The following SGMS2 variants were observed in gnomAD, a reference collection of about 807,000 sequenced individuals.
SGMS2 encodes the protein phosphatidylcholine:ceramide cholinephosphotransferase 2.
In SGMS2, 21 loss-of-function variants were observed where a neutral mutation model predicts 43.8. That is an observed-to-expected ratio of 0.48 (90% CI 0.34 to 0.69). The LOEUF is 0.69. SGMS2 is among the 30% of genes least tolerant of loss of function. The probability of loss-of-function intolerance (pLI) is 0.01; values close to 1 mark genes in which losing one functional copy is unlikely to be tolerated. For synonymous variants in SGMS2, 167 were observed against 160.6 expected (o/e 1.04, Z -0.30); for missense variants, 384 against 443.2 (o/e 0.87, Z 1.20).
At position 107,873,023 on chromosome 4, in the gene SGMS2, A is replaced by C. The variant is rs561560316; in HGVS notation, c.-245+14470A>C. ...CATATATTTACAAAGAGATTCTCAA[A>C]AGAATGGTACCAATTTATGATTCTA... is the stretch of plus-strand genomic sequence containing the variant. On this transcript the variant is annotated intron_variant, in intron 2 of 6. Coordinates refer to ENST00000690982, the MANE Select transcript of SGMS2 (RefSeq NM_001375905.1). Among the ~76,000 whole-genome samples, 9 of 152,316 alleles carry C rather than the reference A, an allele frequency of 5.9e-5. No individual in the cohort carries two copies. The South Asian group carries it at 1.9e-3, about 32-fold the overall frequency.
chr4:107,862,643 TAAAGAG>T (rs1727811423), intron 2 of SGMS2, among the ~76,000 whole-genome samples: 1 of 152,176 alleles, frequency 6.6e-6, no homozygotes, highest in South Asian at 2.1e-4. Context: ...GCTCCTGACT[TAAAGAG>T]AATGACTGAA....
chr4:107,857,533 T>G (rs1358471097), intron 1 of SGMS2, among the ~76,000 whole-genome samples: 4 of 135,390 alleles, frequency 3.0e-5, no homozygotes, highest in Admixed American at 1.4e-4. Flanking sequence ...AGTTAAAAGA[T>G]ATATATATAT....
chr4:107,853,126 A>G (rs1366524496), intron 1 of SGMS2, among the ~76,000 whole-genome samples: 1 of 152,124 alleles, frequency 6.6e-6, no homozygotes, highest in East Asian at 1.9e-4. Context: ...AATCATTTGG[A>G]TATAACAACT....
intron 1 of SGMS2, among the ~76,000 whole-genome samples, chr4:107,836,933 A>G (rs529776663): frequency 1.3e-5 from 2 of 152,214 alleles, no homozygotes; most frequent in South Asian, 2.1e-4. Context: ...GAAAGATTTC[A>G]TAGCAGAAAA....
At chr4:107,882,886 A>C (rs546270058) in intron 2 of SGMS2, among the ~76,000 whole-genome samples, 73 of 152,282 alleles carry the variant, frequency 4.8e-4, no homozygotes, top group Non-Finnish European at 9.6e-4. Context: ...ATAAACATCT[A>C]TTATTCATTA....
intron 3 of SGMS2, among the ~76,000 whole-genome samples, chr4:107,897,655 A>C (rs1456436565): frequency 6.6e-6 from 1 of 152,194 alleles, no homozygotes; most frequent in Non-Finnish European, 1.5e-5. Context: ...CTACCACCTT[A>C]GATTTTCAAC....
Position 107,895,790 on chromosome 4 carries a change from G to T in SGMS2, c.237G>T (p.Thr79=). The T allele has an allele frequency of 6.2e-7, 1 of 1,613,908 alleles. No homozygotes were observed. Among genetic ancestry groups the T allele is most frequent in the Non-Finnish European group, 8.5e-7 (1 of 1,179,922 alleles). Residue 79 remains threonine (T), a synonymous_variant, in exon 3 of 7, where the codon ACG becomes ACT. Coordinates refer to ENST00000690982, the MANE Select transcript of SGMS2 (RefSeq NM_001375905.1). ...AATTTCCACTAGAGTGGTGGAAAAC[G>T]GGCATTGCCTTCATATATGCAGTTT... ...RNKFPLEWWK[T]GIAFIYAVFN...
At chr4:107,827,344 T>C (rs189451407) in intron 1 of SGMS2, among the ~76,000 whole-genome samples, 37 of 152,192 alleles carry the variant, frequency 2.4e-4, no homozygotes, top group African/African-American at 8.4e-4. Context: ...ACGAAGGAGA[T>C]AGTTGCTACC....
chr4:107,860,251 T>C (rs1727650200), intron 2 of SGMS2, among the ~76,000 whole-genome samples: 1 of 152,176 alleles, frequency 6.6e-6, no homozygotes, highest in Admixed American at 6.5e-5. Context: ...AAGCTAGTAC[T>C]AAGACACTTT....
At chr4:107,827,336 G>A (rs1278419433) in intron 1 of SGMS2, among the ~76,000 whole-genome samples, 1 of 152,174 alleles carries the variant, frequency 6.6e-6, no homozygotes, top group African/African-American at 2.4e-5. Flanking sequence ...CAATGCAAAC[G>A]AAGGAGATAG....
rs952454734 is a variant in SGMS2 at position 107,914,684 on chromosome 4, T to C, written c.*4131T>C. The C allele has an allele frequency of 1.3e-5, 2 of 152,174 alleles. No individual in the cohort carries two copies. The highest frequency in any genetic ancestry group is 4.8e-5 in the African/African-American group (2 of 41,462). The allele number at this position is 152,174 out of a possible 1,614,324, so 9.4% of individuals were successfully genotyped here. A position where few individuals can be genotyped will look rare whatever the true frequency, so the allele number is the denominator to read the frequency against. ...AATGCTTACATTTTAATCAAATATG[T>C]AAATTTCAGAAGCTCTTTTTTCCTA... On this transcript the variant is annotated 3_prime_UTR_variant, in exon 7 of 7. Transcript: ENST00000690982.
intron 1 of SGMS2, among the ~76,000 whole-genome samples, chr4:107,834,237 C>T (rs974791081): frequency 2.6e-5 from 4 of 152,232 alleles, no homozygotes; most frequent in Non-Finnish European, 2.9e-5. Context: ...GCAAGGTTTA[C>T]ATTTTGACGG....
At chr4:107,864,699 C>G (rs1255521420) in intron 2 of SGMS2, among the ~76,000 whole-genome samples, 2 of 152,082 alleles carry the variant, frequency 1.3e-5, no homozygotes, top group Non-Finnish European at 2.9e-5. Flanking sequence ...GGCCTAGTGT[C>G]TTAAGGTTAA....
chr4:107,853,460 C>G (rs1727263373), intron 1 of SGMS2, among the ~76,000 whole-genome samples: 3 of 152,142 alleles, frequency 2.0e-5, no homozygotes, highest in East Asian at 1.9e-4. Context: ...TCTCCCTCCC[C>G]CTCAGTCACA....
At chr4:107,856,947 C>G (rs1372687398) in intron 1 of SGMS2, among the ~76,000 whole-genome samples, 1 of 152,136 alleles carries the variant, frequency 6.6e-6, no homozygotes, top group Non-Finnish European at 1.5e-5. Context: ...AGTTGTGCCA[C>G]CAACCCCACT....
chr4:107,854,012 CTT>C (rs989172034), intron 1 of SGMS2, among the ~76,000 whole-genome samples: 1 of 152,174 alleles, frequency 6.6e-6, no homozygotes, highest in African/African-American at 2.4e-5. Flanking sequence ...TTTCTATTCT[CTT>C]TAGCAATACT....
chr4:107,869,756 TA>T (rs200842361), intron 2 of SGMS2, among the ~76,000 whole-genome samples: 7 of 149,542 alleles, frequency 4.7e-5, no homozygotes, highest in African/African-American at 1.5e-4. Context: ...GAGGACAGAT[TA>T]AAAAAAAAAG....
rs74743783 is a variant in SGMS2 at position 107,869,229 on chromosome 4, C to T, written c.-245+10676C>T. Reference sequence around the variant, plus strand: ...AAGTTCATTTCTAGGTCCAGTAGCACATACCAGGGAGTTGTAGCAGGAAAG... The same window carrying T: ...AAGTTCATTTCTAGGTCCAGTAGCATATACCAGGGAGTTGTAGCAGGAAAG... On this transcript the variant is annotated intron_variant, in intron 2 of 6. Transcript: ENST00000690982. Among the ~76,000 whole-genome samples, 1,358 of 152,250 alleles carry T rather than the reference C, an allele frequency of 8.9e-3. 18 individuals carry two copies. The highest frequency in any genetic ancestry group is 0.031 in the African/African-American group (1,282 of 41,540).
chr4:107,891,919 C>T (rs1730252833), intron 2 of SGMS2, among the ~76,000 whole-genome samples: 1 of 152,128 alleles, frequency 6.6e-6, no homozygotes, highest in African/African-American at 2.4e-5. Context: ...TGTATTGGCA[C>T]AGCTGCTGGC....
Sources: gnomAD v4.1 joint callset for allele counts (sites outside exome capture counted in the v4.1 genomes callset) on GRCh38, gnomAD v4.1.1 for gene constraint, MANE v1.5 for transcripts, NCBI Gene and HGNC (gene_info 2026-07-23, HGNC 2026-07-21) for gene names.